The following EPB41L4B variants were observed in gnomAD, a reference collection of about 807,000 sequenced individuals.
The protein encoded by EPB41L4B is band 4.1-like protein 4B.
A neutral mutation model predicts 112.5 loss-of-function variants in EPB41L4B; 30 were observed. The ratio of observed to expected loss-of-function variants is 0.27; its 90% confidence interval spans 0.20 to 0.36. EPB41L4B has a LOEUF of 0.36. Ranked by LOEUF, EPB41L4B falls within the 10% of genes least tolerant of loss-of-function variation. The probability of loss-of-function intolerance (pLI) is 1.00; values close to 1 mark genes in which losing one functional copy is unlikely to be tolerated. For synonymous variants in EPB41L4B, 408 were observed against 439.7 expected, an observed-to-expected ratio of 0.93 and a Z score of 0.90; for missense variants, 1,024 against 1,133.3, an observed-to-expected ratio of 0.90 and a Z score of 1.38.
chr9:109,288,967 T>G (rs1370878488), intron 1 of EPB41L4B, among the ~76,000 whole-genome samples: 1 of 151,998 alleles, frequency 6.6e-6, no homozygotes, highest in African/African-American at 2.4e-5. Flanking sequence ...TTACCCAATC[T>G]AAGGTATTTA....
intron 2 of EPB41L4B, among the ~76,000 whole-genome samples, chr9:109,273,400 C>T (rs1835698685): frequency 6.6e-6 from 1 of 152,162 alleles, no homozygotes. Context: ...GCATGTGCCA[C>T]CACGCCTGGC....
intron 1 of EPB41L4B, among the ~76,000 whole-genome samples, chr9:109,305,067 C>A (rs1201001286): frequency 1.3e-5 from 2 of 151,950 alleles, no homozygotes; most frequent in African/African-American, 4.8e-5. Context: ...CTAAAAAGGT[C>A]AATAATGCCA....
intron 23 of EPB41L4B, among the ~76,000 whole-genome samples, chr9:109,184,704 G>C (rs765859657): frequency 1.2e-4 from 19 of 152,224 alleles, no homozygotes; most frequent in Non-Finnish European, 2.2e-4. Context: ...ACTTTAGAAA[G>C]GGGGCAAAAG....
intron 22 of EPB41L4B, among the ~76,000 whole-genome samples, chr9:109,190,129 G>A (rs919277354): frequency 2.6e-5 from 4 of 152,136 alleles, no homozygotes; most frequent in African/African-American, 9.7e-5. Flanking sequence ...TAGTGTCTTG[G>A]TGGAACGTTG....
At chr9:109,296,385 C>T (rs1485675294) in intron 1 of EPB41L4B, among the ~76,000 whole-genome samples, 3 of 152,172 alleles carry the variant, frequency 2.0e-5, no homozygotes, top group Non-Finnish European at 4.4e-5. Flanking sequence ...GACATGGACT[C>T]GGGAGTCAGC....
chr9:109,282,918 G>C (rs965015771), intron 1 of EPB41L4B, among the ~76,000 whole-genome samples: 8 of 152,028 alleles, frequency 5.3e-5, no homozygotes, highest in African/African-American at 1.9e-4. Flanking sequence ...CCGACCTCAA[G>C]TGATCCGCCC....
In EPB41L4B at chr9:109,213,752, T is replaced by A; in HGVS notation, c.1700A>T (p.Glu567Val). 6.2e-7 allele frequency: 1 copy of A among 1,614,134 alleles called. No individual in the cohort carries two copies. The highest frequency in any genetic ancestry group is 8.5e-7 in the Non-Finnish European group (1 of 1,180,018). Residue 567 changes from glutamate to valine, a missense_variant, in exon 17 of 26, where the codon GAA becomes GTA. Transcript: ENST00000374566. ...AAAHLKKLEL[E>V]TVKAAGPWPP... ...CCAGGGTCCAGCAGCCTTCACAGTTTCCAGTTCCAGCTTCTTTAGATGGGC... is the reference window on the plus strand; with the variant it reads ...CCAGGGTCCAGCAGCCTTCACAGTTACCAGTTCCAGCTTCTTTAGATGGGC...
intron 23 of EPB41L4B, 86 bp from the exon 24 acceptor site, chr9:109,182,883 ACCAAAGGATTCAGGGGTGCCC>A: frequency 1.0e-6 from 1 of 991,788 alleles, no homozygotes; most frequent in Non-Finnish European, 1.6e-6. Context: ...TTAAAATGGA[ACCAAAGGATTCAGGGGTGCCC>A]CCGCAGAGCC....
intron 1 of EPB41L4B, among the ~76,000 whole-genome samples, chr9:109,283,816 G>T (rs920726781): frequency 3.3e-5 from 5 of 152,062 alleles, no homozygotes; most frequent in Admixed American, 2.6e-4. Context: ...GCCAGGCATG[G>T]TGGCTCATGC....
At chr9:109,240,757 G>A (rs952844363) in intron 15 of EPB41L4B, 20 of 985,362 alleles carry the variant, frequency 2.0e-5, no homozygotes, top group South Asian at 9.4e-5. Context: ...TTGATTGCAC[G>A]TTGCTTTTTA....
chr9:109,314,211 G>A (rs999540468), intron 1 of EPB41L4B, among the ~76,000 whole-genome samples: 3 of 152,210 alleles, frequency 2.0e-5, no homozygotes, highest in African/African-American at 7.2e-5. Context: ...GTCAAGCAGT[G>A]GGCAAGGATG....
At chr9:109,178,396 T>TC (rs1831924515) in intron 24 of EPB41L4B, among the ~76,000 whole-genome samples, 1 of 151,782 alleles carries the variant, frequency 6.6e-6, no homozygotes, top group Non-Finnish European at 1.5e-5. Context: ...TTTTTTTTTT[T>TC]TTTGAGTTGG....
intron 15 of EPB41L4B, among the ~76,000 whole-genome samples, chr9:109,218,823 T>G (rs1833477764): frequency 6.6e-6 from 1 of 152,174 alleles, no homozygotes; most frequent in African/African-American, 2.4e-5. Flanking sequence ...TAAAGATCCC[T>G]TCCTCTTATT....
At chr9:109,206,674 G>T (rs10739273) in intron 18 of EPB41L4B, among the ~76,000 whole-genome samples, 6 of 152,124 alleles carry the variant, frequency 3.9e-5, no homozygotes, top group Non-Finnish European at 5.9e-5. Context: ...AAAGAGTCAT[G>T]GTCCACCAGG....
chr9:109,288,640 G>A (rs959772621), intron 1 of EPB41L4B, among the ~76,000 whole-genome samples: 3 of 140,310 alleles, frequency 2.1e-5, no homozygotes, highest in Admixed American at 7.7e-5. Flanking sequence ...GGAGAATGGA[G>A]TGAACCCAAA....
intron 15 of EPB41L4B, among the ~76,000 whole-genome samples, chr9:109,218,430 A>G (rs1173907706): frequency 2.0e-5 from 3 of 152,040 alleles, no homozygotes; most frequent in East Asian, 1.9e-4. Flanking sequence ...CCAGCCTAAC[A>G]CTAATAATTC....
chr9:109,277,611 G>A (rs185081841), intron 2 of EPB41L4B, among the ~76,000 whole-genome samples: 73 of 152,276 alleles, frequency 4.8e-4, no homozygotes, highest in African/African-American at 1.7e-3. Context: ...CTCCAGCAAC[G>A]CCTGGCAGGC....
chr9:109,199,559 C>A (rs1378435966), intron 20 of EPB41L4B, among the ~76,000 whole-genome samples: 1 of 152,140 alleles, frequency 6.6e-6, no homozygotes, highest in East Asian at 1.9e-4. Context: ...ATCCCAACTA[C>A]TTGGGAGGCT....
rs755079706 is a variant in EPB41L4B, at chr9:109,203,685, T to C, written c.1924A>G (p.Ser642Gly). The C allele has an allele frequency of 1.2e-6, 2 of 1,613,842 alleles. No individual in the cohort carries two copies. The highest frequency in any genetic ancestry group is 2.7e-5 in the African/African-American group (2 of 74,930). Residue 642 changes from serine to glycine, a missense_variant, in exon 19 of 26, where the codon AGT (serine) becomes GGT (glycine). Transcript: ENST00000374566. ...GACCTTACACTAGCGTCCTGAAGAC[T>C]GGATTTCTTATTGATATTTACAAAC... ...SPFVNINKKSSLQDASVRSPI... is the reference protein window; with the variant it reads ...SPFVNINKKSGLQDASVRSPI...
Sources: allele counts gnomAD v4.1 joint callset (sites outside exome capture counted in the v4.1 genomes callset), GRCh38; gene constraint gnomAD v4.1.1; transcripts MANE v1.5; gene names NCBI Gene and HGNC (gene_info 2026-07-23, HGNC 2026-07-21).